Variants in POU6F2 observed in about 807,000 individuals in gnomAD.
POU6F2 encodes the protein POU domain, class 6, transcription factor 2.
In POU6F2, 31 loss-of-function variants were observed where a neutral mutation model predicts 71.3. The observed-to-expected ratio is 0.43, with a 90% CI of 0.33 to 0.59. POU6F2 has a LOEUF of 0.59. Among genes scored for constraint, POU6F2 ranks in the 20% least tolerant of loss-of-function variants. POU6F2 has a pLI of 0.04. For missense variants in POU6F2, 783 were observed against 856.8 expected (o/e 0.91, Z 1.07); for synonymous variants, 347 against 355.7 (o/e 0.98, Z 0.27).
intron 4 of POU6F2, among the ~76,000 whole-genome samples, chr7:39,269,202 T>C (rs1237445874): frequency 6.6e-6 from 1 of 152,060 alleles, no homozygotes; most frequent in Non-Finnish European, 1.5e-5. Context: ...ATGGTGTGGG[T>C]GTGATGTGGG....
At chr7:39,234,270 T>C (rs535867152) in intron 4 of POU6F2, among the ~76,000 whole-genome samples, 8 of 152,296 alleles carry the variant, frequency 5.3e-5, no homozygotes, top group African/African-American at 1.9e-4. Context: ...TGGCCTCTGA[T>C]TGGCACTTGG....
intron 4 of POU6F2, among the ~76,000 whole-genome samples, chr7:39,260,746 C>G (rs1182517538): frequency 2.0e-5 from 3 of 151,928 alleles, no homozygotes; most frequent in Non-Finnish European, 4.4e-5. Context: ...ACACAACACA[C>G]AGACACCATG....
chr7:39,119,493 T>A (rs143862816), intron 2 of POU6F2, among the ~76,000 whole-genome samples: 8 of 152,078 alleles, frequency 5.3e-5, no homozygotes, highest in African/African-American at 1.9e-4. Flanking sequence ...GGAAGGATGG[T>A]TGGAAGAGGG....
At chr7:39,334,297 C>T (rs1016653579) in intron 4 of POU6F2, among the ~76,000 whole-genome samples, 2 of 152,038 alleles carry the variant, frequency 1.3e-5, no homozygotes, top group East Asian at 3.9e-4. Flanking sequence ...AGACAGAATT[C>T]TGGGTACACA....
chr7:38,998,487 A>G (rs4336514), intron 1 of POU6F2, among the ~76,000 whole-genome samples: 16,196 of 152,212 alleles, frequency 0.11, 944 homozygotes, highest in East Asian at 0.14. Flanking sequence ...ACCTATATGT[A>G]GACGTACAAA....
intron 2 of POU6F2, among the ~76,000 whole-genome samples, chr7:39,133,005 G>T (rs981720528): frequency 2.0e-5 from 3 of 152,168 alleles, no homozygotes; most frequent in Non-Finnish European, 4.4e-5. Flanking sequence ...CAAAAGTCCT[G>T]TAGATTCTTG....
At chr7:39,274,170 A>G (rs966707697) in intron 4 of POU6F2, among the ~76,000 whole-genome samples, 14 of 152,330 alleles carry the variant, frequency 9.2e-5, no homozygotes, top group African/African-American at 3.4e-4. Context: ...AATAAAGAAA[A>G]AAAGAGAGAA....
intron 1 of POU6F2, among the ~76,000 whole-genome samples, chr7:39,045,432 C>T (rs1790273145): frequency 6.6e-6 from 1 of 151,892 alleles, no homozygotes; most frequent in Non-Finnish European, 1.5e-5. Context: ...CATTGCCATT[C>T]GTAGACTTTA....
At chr7:39,279,888 A>G (rs1583493765) in intron 4 of POU6F2, among the ~76,000 whole-genome samples, 1 of 152,142 alleles carries the variant, frequency 6.6e-6, no homozygotes. Flanking sequence ...CTAGGATTAC[A>G]GGCGCCTGCC....
At chr7:39,427,837 A>G (rs1265767579) in intron 6 of POU6F2, among the ~76,000 whole-genome samples, 2 of 152,254 alleles carry the variant, frequency 1.3e-5, no homozygotes, top group Non-Finnish European at 2.9e-5. Flanking sequence ...ATCATTGGCT[A>G]TAACAATATG....
chr7:39,141,617 A>G (rs6462894), intron 2 of POU6F2, among the ~76,000 whole-genome samples: 67,242 of 152,078 alleles, frequency 0.44, 15,245 homozygotes, highest in East Asian at 0.69. Flanking sequence ...TTCCAAAAGT[A>G]TATATCTTAA....
chr7:39,441,709 C>G (rs1054449961), intron 7 of POU6F2, among the ~76,000 whole-genome samples: 1 of 152,186 alleles, frequency 6.6e-6, no homozygotes, highest in African/African-American at 2.4e-5. Flanking sequence ...TCTGTTACAA[C>G]ATTTTAAAGT....
At chr7:38,982,581 T>A (rs1584479012) in intron 1 of POU6F2, among the ~76,000 whole-genome samples, 2 of 152,278 alleles carry the variant, frequency 1.3e-5, no homozygotes, top group East Asian at 1.9e-4. Flanking sequence ...TTAGAATTTT[T>A]AAAAATTAAA....
chr7:39,038,855 G>C (rs1790119449), intron 1 of POU6F2, among the ~76,000 whole-genome samples: 1 of 151,966 alleles, frequency 6.6e-6, no homozygotes, highest in South Asian at 2.1e-4. Context: ...TCAGGCATAT[G>C]AGAGAGCTTC....
At chr7:39,062,649 T>A (rs551373593) in intron 1 of POU6F2, among the ~76,000 whole-genome samples, 1 of 146,970 alleles carries the variant, frequency 6.8e-6, no homozygotes, top group East Asian at 2.0e-4. Flanking sequence ...GATCCAGTTT[T>A]AGTCCAGCAA....
At chr7:39,200,616 T>C (rs1793878246) in intron 2 of POU6F2, among the ~76,000 whole-genome samples, 1 of 152,126 alleles carries the variant, frequency 6.6e-6, no homozygotes, top group Non-Finnish European at 1.5e-5. Context: ...TGCAAGAGAA[T>C]GTAAATTCCA....
At chr7:39,287,711 T>C (rs895557716) in intron 4 of POU6F2, among the ~76,000 whole-genome samples, 3 of 152,170 alleles carry the variant, frequency 2.0e-5, no homozygotes, top group African/African-American at 7.2e-5. Flanking sequence ...GGGTCATTCT[T>C]TGGTTCCCAG....
At chr7:39,133,875 T>G (rs1467803467) in intron 2 of POU6F2, among the ~76,000 whole-genome samples, 1 of 152,134 alleles carries the variant, frequency 6.6e-6, no homozygotes, top group Non-Finnish European at 1.5e-5. Flanking sequence ...AATGCATAAA[T>G]TTTTTTCTTT....
intron 2 of POU6F2, among the ~76,000 whole-genome samples, chr7:39,182,469 G>A (rs529003829): frequency 6.6e-6 from 1 of 151,994 alleles, no homozygotes; most frequent in African/African-American, 2.4e-5. Flanking sequence ...CCATGCTAGG[G>A]CTTATTCATA....
Sources: allele counts gnomAD v4.1 joint callset (sites outside exome capture counted in the v4.1 genomes callset), GRCh38; gene constraint gnomAD v4.1.1; transcripts MANE v1.5; gene names NCBI Gene and HGNC (gene_info 2026-07-23, HGNC 2026-07-21).